The following FAM114A2 variants were observed in gnomAD, a reference collection of about 807,000 sequenced individuals.
FAM114A2 encodes protein FAM114A2.
Under a neutral mutation model 58.4 loss-of-function variants are expected in FAM114A2, and 53 were observed. That is an observed-to-expected ratio of 0.91 (90% CI 0.73 to 1.14). FAM114A2 has a LOEUF of 1.14. Ranked by LOEUF, FAM114A2 falls within the 50% of genes most tolerant of loss-of-function variation. The pLI, the probability that FAM114A2 is intolerant of heterozygous loss-of-function variation, is 0.00. For synonymous variants in FAM114A2, 228 were observed against 211.4 expected, an observed-to-expected ratio of 1.08 and a Z score of -0.68; for missense variants, 601 against 581.1, an observed-to-expected ratio of 1.03 and a Z score of -0.35.
intron 12 of FAM114A2, 99 bp from the exon 13 acceptor site, chr5:153,995,071 A>AAT (rs1290397881): frequency 1.3e-6 from 1 of 746,370 alleles, no homozygotes; most frequent in Non-Finnish European, 2.4e-6. Flanking sequence ...CCCATACATA[A>AAT]ATATTAAATA....
chr5:154,015,280 G>A (rs868517496), intron 8 of FAM114A2, among the ~76,000 whole-genome samples: 2 of 152,250 alleles, frequency 1.3e-5, no homozygotes, highest in Middle Eastern at 6.8e-3. Flanking sequence ...CACAGCTGAT[G>A]CTTTCTTGAA....
At chr5:154,010,383 G>A (rs1770609843) in intron 9 of FAM114A2, among the ~76,000 whole-genome samples, 1 of 152,214 alleles carries the variant, frequency 6.6e-6, no homozygotes, top group Admixed American at 6.5e-5. Flanking sequence ...TGAGCTGCCT[G>A]GGGATGATCT....
Position 154,034,981 on chromosome 5 carries a change from A to AG in FAM114A2, c.-14-15dup, listed in dbSNP as rs1370749661. ...TTAGAACATCAGCTGGTAAAATGAA[A>AG]GCCCAAAAAAAATTTATATAGGCTT... On this transcript the variant is annotated splice_polypyrimidine_tract_variant and intron_variant, in intron 1 of 13. Transcript: ENST00000351797. 1.3e-6 allele frequency: 2 copies of AG among 1,507,616 alleles called. No individual in the cohort carries two copies. The highest frequency in any genetic ancestry group is 2.5e-5 in the East Asian group (1 of 40,692). 93.4% of individuals were successfully genotyped at this position (1,507,616 alleles called of 1,614,324 possible).
chr5:154,003,179 A>C lies in FAM114A2; in HGVS notation c.994-210T>G, dbSNP rs555493. On this transcript the variant is annotated intron_variant, in intron 9 of 13. Coordinates refer to ENST00000351797, the MANE Select transcript of FAM114A2 (RefSeq NM_018691.4). ...TTTTCAAAATTCTCTAATTGGTAGT[A>C]TTTTTTTTTTTTTTTTGAGATGGAA... is the stretch of plus-strand genomic sequence containing the variant. 2.9e-3 allele frequency among the ~76,000 whole-genome samples: 415 copies of C among 144,806 alleles called. 28 individuals are homozygous for C. Among genetic ancestry groups the C allele is most frequent in the East Asian group, 6.2e-3 (31 of 5,012 alleles). The allele number at this position is 144,806 out of a possible 152,430, so 95.0% of individuals were successfully genotyped here.
intron 7 of FAM114A2, among the ~76,000 whole-genome samples, chr5:154,026,881 T>C (rs368275885): frequency 7.5e-6 from 1 of 132,852 alleles, no homozygotes; most frequent in African/African-American, 2.8e-5. Context: ...CCAAAGAAAC[T>C]AAAAAAAAAA....
intron 1 of FAM114A2, 154 bp downstream of exon 1, chr5:154,038,703 G>A (rs1325814003): frequency 6.6e-6 from 1 of 152,216 alleles, no homozygotes; most frequent in Non-Finnish European, 1.5e-5. Flanking sequence ...CACAAACGTA[G>A]CGCTTCAATC....
intron 12 of FAM114A2, 47 bp downstream of exon 12, chr5:153,997,755 TA>T: frequency 8.8e-7 from 1 of 1,142,834 alleles, no homozygotes; most frequent in Non-Finnish European, 1.3e-6. Context: ...TTTAAACTGC[TA>T]AAGAAACCAG....
At position 153,997,823 on chromosome 5, in the gene FAM114A2, T is replaced by C; in HGVS notation, c.1309A>G (p.Thr437Ala). 1 of 1,594,308 alleles carries C rather than the reference T, an allele frequency of 6.3e-7. No individual in the cohort carries two copies. The highest frequency in any genetic ancestry group is 2.2e-5 in the East Asian group (1 of 44,768). Residue 437 changes from threonine (T) to alanine (A), a missense_variant, in exon 12 of 14, where the codon ACC becomes GCC. Thr to Ala is a moderately conservative substitution (Grantham distance 58). Transcript: ENST00000351797. ...CTTACCCCAGCAGTTGTTAGGCAGG[T>C]AGTGAACTCTTTAGACAGAGAGGAC... ...ELSSLSKEFT[T>A]CLTTAGVKEM...
In FAM114A2 at chr5:153,990,750, TTAG is replaced by T. The variant is rs1000917899; in HGVS notation, c.*2223_*2225del. On this transcript the variant is annotated 3_prime_UTR_variant, in exon 14 of 14. Transcript: ENST00000351797. Reference sequence around the variant, plus strand: ...TTTAAGTGAATTGGAAAGGCATATATTAGTAATTAGTGGTAAATCTTAGACACC... The same window carrying T: ...TTTAAGTGAATTGGAAAGGCATATATTAATTAGTGGTAAATCTTAGACACC... 2 of 152,154 alleles carry T rather than the reference TTAG, an allele frequency of 1.3e-5. No individual in the cohort carries two copies. Among genetic ancestry groups the T allele is most frequent in the African/African-American group, 4.8e-5 (2 of 41,434 alleles). The allele number at this position is 152,154 out of a possible 1,614,324, so 9.4% of individuals were successfully genotyped here. A position where few individuals can be genotyped will look rare whatever the true frequency, so the allele number is the denominator to read the frequency against.
At chr5:154,029,026 C>T (rs552920798) in intron 5 of FAM114A2, among the ~76,000 whole-genome samples, 73 of 152,264 alleles carry the variant, frequency 4.8e-4, no homozygotes, top group African/African-American at 1.6e-3. Flanking sequence ...AAAAAACTAG[C>T]TATCTATCCT....
At chr5:154,021,908 A>G (rs1399571723) in intron 8 of FAM114A2, among the ~76,000 whole-genome samples, 2 of 152,266 alleles carry the variant, frequency 1.3e-5, no homozygotes, top group East Asian at 3.8e-4. Flanking sequence ...ACAAGGCCAC[A>G]GTAACCAAAA....
chr5:154,025,704 A>T lies in FAM114A2; in HGVS notation c.913+695T>A, dbSNP rs545428150. Among the ~76,000 whole-genome samples, 287 of 148,958 alleles carry T rather than the reference A, an allele frequency of 1.9e-3. 1 individual carries two copies. Among genetic ancestry groups the T allele is most frequent in the Non-Finnish European group, 2.6e-3 (173 of 66,962 alleles). ...TGTATTCATTAGATTCCACTTTTTTAAAAAAAAAAGGTCAGTTAGTGTATA... is the reference window on the plus strand; with the variant it reads ...TGTATTCATTAGATTCCACTTTTTTTAAAAAAAAAGGTCAGTTAGTGTATA... On this transcript the variant is annotated intron_variant, in intron 8 of 13. Transcript: ENST00000351797.
chr5:153,993,758 G>A (rs983912812), intron 13 of FAM114A2, among the ~76,000 whole-genome samples: 6 of 151,516 alleles, frequency 4.0e-5, no homozygotes, highest in African/African-American at 9.7e-5. Context: ...GTATAATTTC[G>A]AAGACAAGAG....
intron 9 of FAM114A2, among the ~76,000 whole-genome samples, chr5:154,008,646 T>C (rs1051024341): frequency 9.9e-5 from 15 of 151,448 alleles, no homozygotes; most frequent in Admixed American, 6.6e-5. Context: ...ACTTGGATTG[T>C]ACCCTCAAGA....
At position 154,003,177 on chromosome 5, in the gene FAM114A2, GT is replaced by G. The variant is rs773018530; in HGVS notation, c.994-209del. Reference sequence around the variant, plus strand: ...CCTTTTCAAAATTCTCTAATTGGTAGTATTTTTTTTTTTTTTTTGAGATGGA... The same window carrying G: ...CCTTTTCAAAATTCTCTAATTGGTAGATTTTTTTTTTTTTTTTGAGATGGA... On this transcript the variant is annotated intron_variant, in intron 9 of 13. Coordinates refer to ENST00000351797, the MANE Select transcript of FAM114A2 (RefSeq NM_018691.4). 3.0e-3 allele frequency among the ~76,000 whole-genome samples: 410 copies of G among 134,820 alleles called. 29 individuals are homozygous for G. The highest frequency in any genetic ancestry group is 6.8e-3 in the East Asian group (31 of 4,554). The allele number at this position is 134,820 out of a possible 152,430, so 88.4% of individuals were successfully genotyped here.
intron 8 of FAM114A2, among the ~76,000 whole-genome samples, chr5:154,021,236 C>G (rs1416347355): frequency 6.6e-6 from 1 of 152,150 alleles, no homozygotes; most frequent in Non-Finnish European, 1.5e-5. Flanking sequence ...AAAACTGGCA[C>G]AAGACAGGGA....
chr5:154,018,989 G>A (rs1458050660), intron 8 of FAM114A2, among the ~76,000 whole-genome samples: 3 of 152,076 alleles, frequency 2.0e-5, no homozygotes, highest in Non-Finnish European at 4.4e-5. Context: ...TTCCCTCTGA[G>A]AACTGGAACA....
intron 9 of FAM114A2, 63 bp downstream of exon 9, chr5:154,011,178 G>T: frequency 8.2e-7 from 1 of 1,221,546 alleles, no homozygotes; most frequent in Non-Finnish European, 1.2e-6. Flanking sequence ...ATAATCTTAT[G>T]CTCTTTATCC....
chr5:154,027,112 G>A (rs539201845), intron 7 of FAM114A2, 64 bp downstream of exon 7: 2 of 1,352,212 alleles, frequency 1.5e-6, no homozygotes, highest in South Asian at 2.8e-5. Context: ...CAAAGAGAAA[G>A]GAAACCATGC....
Sources: gnomAD v4.1 joint callset for allele counts (sites outside exome capture counted in the v4.1 genomes callset) on GRCh38, gnomAD v4.1.1 for gene constraint, MANE v1.5 for transcripts, NCBI Gene and HGNC (gene_info 2026-07-23, HGNC 2026-07-21) for gene names.